ATP10A: variants seen among roughly 807,000 people sequenced by gnomAD.
ATP10A encodes phospholipid-transporting ATPase VA.
Under a neutral mutation model 147.8 loss-of-function variants are expected in ATP10A, and 111 were observed. The observed-to-expected ratio is 0.75, with a 90% CI of 0.64 to 0.88. The LOEUF (loss-of-function observed/expected upper bound fraction) is 0.88, where lower values mean the gene tolerates loss of function less well. Among genes scored for constraint, ATP10A ranks in the 40% least tolerant of loss-of-function variants. ATP10A has a pLI of 0.00. For missense variants in ATP10A, 1,927 were observed against 1,959.0 expected, an observed-to-expected ratio of 0.98 and a Z score of 0.31; for synonymous variants, 875 against 841.6, an observed-to-expected ratio of 1.04 and a Z score of -0.69.
chr15:25,719,118 T>C (rs925216782), intron 7 of ATP10A, among the ~76,000 whole-genome samples: 11 of 152,138 alleles, frequency 7.2e-5, no homozygotes, highest in Non-Finnish European at 1.3e-4. Context: ...TGTTTCACCG[T>C]GGATGAGCAA....
At chr15:25,824,559 GTTTTTT>G (rs61050447) in intron 1 of ATP10A, among the ~76,000 whole-genome samples, 1 of 120,198 alleles carries the variant, frequency 8.3e-6, no homozygotes, top group Non-Finnish European at 1.7e-5. Context: ...TTTTGTGTGT[GTTTTTT>G]TTTTTTTTTG....
chr15:25,751,954 C>T (rs1888176446), intron 2 of ATP10A, among the ~76,000 whole-genome samples: 1 of 151,156 alleles, frequency 6.6e-6, no homozygotes, highest in South Asian at 2.1e-4. Context: ...AAATTAGAAC[C>T]ACAATGAGAT....
chr15:25,744,253 A>C (rs1887724989), intron 2 of ATP10A, among the ~76,000 whole-genome samples: 1 of 152,134 alleles, frequency 6.6e-6, no homozygotes, highest in Non-Finnish European at 1.5e-5. Flanking sequence ...CAATGTGAAA[A>C]ATGGAGTATA....
intron 1 of ATP10A, among the ~76,000 whole-genome samples, chr15:25,827,616 C>T (rs1892171246): frequency 6.6e-6 from 1 of 152,056 alleles, no homozygotes; most frequent in Non-Finnish European, 1.5e-5. Context: ...TTAAAACCCA[C>T]AAGGTGATTA....
At chr15:25,771,753 C>CTTT (rs770092381) in intron 2 of ATP10A, among the ~76,000 whole-genome samples, 1 of 143,530 alleles carries the variant, frequency 7.0e-6, no homozygotes, top group Non-Finnish European at 1.5e-5. Context: ...TGAAAGCCAC[C>CTTT]TTTTTTTTTT....
At chr15:25,824,400 G>C (rs1434487995) in intron 1 of ATP10A, among the ~76,000 whole-genome samples, 2 of 151,498 alleles carry the variant, frequency 1.3e-5, no homozygotes, top group Non-Finnish European at 2.9e-5. Flanking sequence ...CTTGAGCCCA[G>C]GTGGTTGAGG....
intron 2 of ATP10A, among the ~76,000 whole-genome samples, chr15:25,767,856 T>C (rs1164414876): frequency 6.6e-6 from 1 of 152,244 alleles, no homozygotes; most frequent in African/African-American, 2.4e-5. Flanking sequence ...GAGGTAGGTG[T>C]GCTCACTGGA....
chr15:25,739,839 T>C (rs1392857497), intron 2 of ATP10A, among the ~76,000 whole-genome samples: 2 of 152,228 alleles, frequency 1.3e-5, no homozygotes, highest in Non-Finnish European at 2.9e-5. Context: ...TTGACCTGAC[T>C]AGGTGGAAAG....
chr15:25,787,661 G>T (rs1362369552), intron 1 of ATP10A, among the ~76,000 whole-genome samples: 1 of 151,526 alleles, frequency 6.6e-6, no homozygotes, highest in Non-Finnish European at 1.5e-5. Context: ...AAAAGAAAAA[G>T]GTGGGAGGAA....
At chr15:25,744,841 G>A (rs1437838676) in intron 2 of ATP10A, among the ~76,000 whole-genome samples, 2 of 152,050 alleles carry the variant, frequency 1.3e-5, no homozygotes, top group Non-Finnish European at 2.9e-5. Flanking sequence ...TGTAATCAGG[G>A]CCCCAGAAGA....
chr15:25,814,648 C>A (rs1891572766), intron 1 of ATP10A, among the ~76,000 whole-genome samples: 1 of 152,206 alleles, frequency 6.6e-6, no homozygotes, highest in Non-Finnish European at 1.5e-5. Flanking sequence ...CCCCACAGTC[C>A]TAAAGCTGGG....
chr15:25,841,789 T>C (rs748183481), intron 1 of ATP10A: 7 of 152,256 alleles, frequency 4.6e-5, no homozygotes, highest in Admixed American at 2.0e-4. Context: ...GAAACTTATA[T>C]GTAAGTATTT....
chr15:25,833,492 G>T (rs1892454696), intron 1 of ATP10A, among the ~76,000 whole-genome samples: 1 of 152,120 alleles, frequency 6.6e-6, no homozygotes, highest in Admixed American at 6.5e-5. Context: ...TTAAAGAGCA[G>T]TTTGACAGTA....
intron 1 of ATP10A, among the ~76,000 whole-genome samples, chr15:25,787,669 G>GA (rs1177098028): frequency 6.6e-6 from 1 of 151,834 alleles, no homozygotes; most frequent in Non-Finnish European, 1.5e-5. Flanking sequence ...AAGGTGGGAG[G>GA]AAAGGCAGAC....
At chr15:25,753,169 T>C (rs1254773600) in intron 2 of ATP10A, among the ~76,000 whole-genome samples, 4 of 152,054 alleles carry the variant, frequency 2.6e-5, no homozygotes, top group Non-Finnish European at 5.9e-5. Flanking sequence ...CAGCACACTG[T>C]ACAACAGAAC....
intron 2 of ATP10A, among the ~76,000 whole-genome samples, chr15:25,779,845 AACAC>A (rs56111172): frequency 0.16 from 23,506 of 147,276 alleles, 1,875 homozygotes; most frequent in East Asian, 0.28. Context: ...AGAAGGTTAA[AACAC>A]ACACACACAC....
chr15:25,731,725 A>T (rs902206878), intron 3 of ATP10A, among the ~76,000 whole-genome samples: 1 of 152,222 alleles, frequency 6.6e-6, no homozygotes, highest in Non-Finnish European at 1.5e-5. Flanking sequence ...GGGCTTAACT[A>T]TATGAGGATC....
intron 16 of ATP10A, 114 bp from the exon 17 acceptor site, chr15:25,683,600 G>T: frequency 9.5e-7 from 1 of 1,051,486 alleles, no homozygotes; most frequent in Non-Finnish European, 1.4e-6. Flanking sequence ...TAAATGTATT[G>T]GCAGCGATTT....
At chr15:25,692,799 C>G (rs1379747177) in intron 14 of ATP10A, among the ~76,000 whole-genome samples, 3 of 152,112 alleles carry the variant, frequency 2.0e-5, no homozygotes, top group Non-Finnish European at 4.4e-5. Flanking sequence ...TTCTTTCTTT[C>G]TTTCTTTTTC....
Sources: gnomAD v4.1 joint callset for allele counts (sites outside exome capture counted in the v4.1 genomes callset) on GRCh38, gnomAD v4.1.1 for gene constraint, MANE v1.5 for transcripts, NCBI Gene and HGNC (gene_info 2026-07-23, HGNC 2026-07-21) for gene names.